BMPR2: variants seen among roughly 807,000 people sequenced by gnomAD.
The protein encoded by BMPR2 is bone morphogenetic protein receptor type 2.
Under a neutral mutation model 100.8 loss-of-function variants are expected in BMPR2, and 29 were observed. The ratio of observed to expected loss-of-function variants is 0.29; its 90% CI spans 0.21 to 0.39. The LOEUF is 0.39. Among genes scored for constraint, BMPR2 ranks in the 10% least tolerant of loss-of-function variants. BMPR2 has a pLI of 1.00. For missense variants in BMPR2, 1,011 were observed against 1,274.5 expected, an observed-to-expected ratio of 0.79 and a Z score of 3.15; for synonymous variants, 382 against 442.3, an observed-to-expected ratio of 0.86 and a Z score of 1.71.
Position 202,476,204 on chromosome 2 carries a change from C to G in BMPR2, c.418+8515C>G, listed in dbSNP as rs151116340. On this transcript the variant is annotated intron_variant, in intron 3 of 12. Transcript: ENST00000374580. ...TGGTTGCAGACTATGAAATAATTTC[C>G]ATGTCTTTATTTCAACAACTGCAAT... Among the ~76,000 whole-genome samples, 108 of 151,334 alleles carry G rather than the reference C, an allele frequency of 7.1e-4. 1 individual carries two copies. Among genetic ancestry groups the G allele is most frequent in the African/African-American group, 2.5e-3 (105 of 41,262 alleles).
At position 202,407,220 on chromosome 2, in the gene BMPR2, G is replaced by A. The variant is rs370312195; in HGVS notation, c.76+29670G>A. Among the ~76,000 whole-genome samples, 16 of 151,228 alleles carry A rather than the reference G, an allele frequency of 1.1e-4. No individual in the cohort carries two copies. In the East Asian group the frequency reaches 2.0e-3, roughly 19 times the overall value. Reference sequence around the variant, plus strand: ...GGCCTCCCAAAGTGCTGGGATTACAGGTGTGAGCCACTGCACCTGGCCTAA... The same window carrying A: ...GGCCTCCCAAAGTGCTGGGATTACAAGTGTGAGCCACTGCACCTGGCCTAA... On this transcript the variant is annotated intron_variant, in intron 1 of 12. Transcript: ENST00000374580.
intron 3 of BMPR2, among the ~76,000 whole-genome samples, chr2:202,468,282 G>C (rs766020619): frequency 6.6e-6 from 1 of 152,096 alleles, no homozygotes; most frequent in South Asian, 2.1e-4. Context: ...CTGAAGACCA[G>C]CCTGGGCAAC....
At chr2:202,536,116 A>G (rs1353532152) in intron 9 of BMPR2, among the ~76,000 whole-genome samples, 2 of 151,828 alleles carry the variant, frequency 1.3e-5, no homozygotes, top group Admixed American at 6.6e-5. Context: ...AGGGAGCTAA[A>G]TAAAATTTTT....
At chr2:202,530,003 T>C (rs1435120105) in intron 7 of BMPR2, among the ~76,000 whole-genome samples, 1 of 152,200 alleles carries the variant, frequency 6.6e-6, no homozygotes, top group Non-Finnish European at 1.5e-5. Context: ...AAAAATATAA[T>C]GTACTTATAT....
chr2:202,485,545 CTTTTTTTT>C (rs762096820), intron 3 of BMPR2, among the ~76,000 whole-genome samples: 2 of 64,010 alleles, frequency 3.1e-5, no homozygotes, highest in Admixed American at 3.1e-4. Context: ...TTGCCTTTAT[CTTTTTTTT>C]TTTTTTTTTT....
At chr2:202,425,426 T>C (rs1691365904) in intron 1 of BMPR2, among the ~76,000 whole-genome samples, 1 of 152,336 alleles carries the variant, frequency 6.6e-6, no homozygotes, top group South Asian at 2.1e-4. Flanking sequence ...GTTTGAAGAT[T>C]TGGCAACATG....
intron 7 of BMPR2, among the ~76,000 whole-genome samples, chr2:202,524,676 G>A (rs576556318): frequency 1.8e-4 from 28 of 152,096 alleles, no homozygotes; most frequent in Middle Eastern, 3.4e-3. Flanking sequence ...CCGGGAGGCG[G>A]AGGTTACAGT....
intron 7 of BMPR2, among the ~76,000 whole-genome samples, chr2:202,521,729 G>C (rs929013014): frequency 2.6e-5 from 4 of 152,172 alleles, no homozygotes; most frequent in African/African-American, 9.7e-5. Flanking sequence ...GTGTTGTACA[G>C]GGTATTTATG....
intron 10 of BMPR2, among the ~76,000 whole-genome samples, chr2:202,550,946 G>A (rs963306875): frequency 5.8e-5 from 7 of 121,326 alleles, no homozygotes; most frequent in Non-Finnish European, 1.0e-4. Flanking sequence ...GAGCATATCA[G>A]CTTTTTTTTT....
chr2:202,532,848 C>T lies in BMPR2; in HGVS notation c.1276+116C>T. On this transcript the variant is annotated intron_variant, in intron 9 of 12. Transcript: ENST00000374580. This position sits in a 1 kb window ranked among gnomAD's most constrained non-coding sequence, Gnocchi z 4.1. ...AAGAATCTTTTTACTTTCATTTAAA[C>T]CTTTAGTTCATTGCTATCTAGTGTT... 1 of 1,246,550 alleles carries T rather than the reference C, an allele frequency of 8.0e-7. No individual in the cohort carries two copies. The allele number at this position is 1,246,550 out of a possible 1,614,324, so 77.2% of individuals were successfully genotyped here. A position where few individuals can be genotyped will look rare whatever the true frequency, so the allele number is the denominator to read the frequency against.
chr2:202,424,790 C>G (rs1468847295), intron 1 of BMPR2, among the ~76,000 whole-genome samples: 1 of 152,144 alleles, frequency 6.6e-6, no homozygotes, highest in Non-Finnish European at 1.5e-5. Flanking sequence ...CTCACTTGCT[C>G]TATAAAGGCA....
chr2:202,458,646 T>G (rs1574459933), intron 1 of BMPR2, among the ~76,000 whole-genome samples: 2 of 151,764 alleles, frequency 1.3e-5, no homozygotes, highest in Non-Finnish European at 2.9e-5. Flanking sequence ...TGATTGTTTC[T>G]TTAATGTGCA....
At chr2:202,524,063 C>T (rs974182978) in intron 7 of BMPR2, among the ~76,000 whole-genome samples, 1 of 151,344 alleles carries the variant, frequency 6.6e-6, no homozygotes, top group Non-Finnish European at 1.5e-5. Flanking sequence ...GGGGCAAGGG[C>T]TAAAAACTAA....
At chr2:202,430,462 G>A (rs919384158) in intron 1 of BMPR2, among the ~76,000 whole-genome samples, 1 of 152,194 alleles carries the variant, frequency 6.6e-6, no homozygotes, top group Non-Finnish European at 1.5e-5. Flanking sequence ...AATATGTGGA[G>A]TTGTTGAATG....
chr2:202,420,635 C>G (rs1691242391), intron 1 of BMPR2, among the ~76,000 whole-genome samples: 1 of 147,944 alleles, frequency 6.8e-6, no homozygotes, highest in South Asian at 2.1e-4. Flanking sequence ...CAACCTCCAC[C>G]TCCCGAGTTC....
intron 7 of BMPR2, among the ~76,000 whole-genome samples, chr2:202,521,782 A>G (rs1687823484): frequency 6.6e-6 from 1 of 152,174 alleles, no homozygotes. Context: ...GATTACAGCC[A>G]TTGCATTCTC....
chr2:202,531,608 G>A (rs1290073147), intron 8 of BMPR2, among the ~76,000 whole-genome samples: 1 of 152,084 alleles, frequency 6.6e-6, no homozygotes, highest in Non-Finnish European at 1.5e-5. Context: ...CAACATATAT[G>A]TATTTTTGTG....
intron 1 of BMPR2, among the ~76,000 whole-genome samples, chr2:202,402,572 TCTAA>T (rs932758066): frequency 4.6e-5 from 7 of 151,968 alleles, no homozygotes; most frequent in South Asian, 2.1e-4. Context: ...TTGAATGCTC[TCTAA>T]CTTTTTCTCC....
At chr2:202,473,326 G>A (rs1381870672) in intron 3 of BMPR2, among the ~76,000 whole-genome samples, 1 of 152,032 alleles carries the variant, frequency 6.6e-6, no homozygotes, top group East Asian at 1.9e-4. Context: ...CCTGCTACTT[G>A]GGAGGCTGAG....
Sources: allele counts gnomAD v4.1 joint callset (sites outside exome capture counted in the v4.1 genomes callset), GRCh38; gene constraint gnomAD v4.1.1; non-coding constraint Gnocchi (gnomAD v3.1); transcripts MANE v1.5; gene names NCBI Gene and HGNC (gene_info 2026-07-23, HGNC 2026-07-21).